The following PCLO variants were observed in gnomAD, a reference collection of about 807,000 sequenced individuals.
PCLO encodes protein piccolo.
In PCLO, 82 loss-of-function variants were observed where a neutral mutation model predicts 427.5. That is an observed-to-expected ratio of 0.19 (90% CI 0.16 to 0.23). The LOEUF is 0.23. Among genes scored for constraint, PCLO ranks in the 10% least tolerant of loss-of-function variants. PCLO has a pLI of 1.00. For missense variants in PCLO, 6,239 were observed against 6,115.9 expected (o/e 1.02, Z -0.67); for synonymous variants, 2,357 against 2,155.4 (o/e 1.09, Z -2.59).
intron 9 of PCLO, among the ~76,000 whole-genome samples, chr7:82,882,448 C>A (rs990883206): frequency 6.6e-6 from 1 of 152,026 alleles, no homozygotes; most frequent in Admixed American, 6.6e-5. Flanking sequence ...TCTTCAGATG[C>A]CATGAAAATG....
chr7:82,950,856 C>T lies in PCLO; in HGVS notation c.9732G>A (p.Arg3244=). 2 of 1,613,600 alleles carry T rather than the reference C, an allele frequency of 1.2e-6. No individual in the cohort carries two copies. Among genetic ancestry groups the T allele is most frequent in the Non-Finnish European group, 1.7e-6 (2 of 1,179,866 alleles). ...ELEWERQEIQ[R]FREQEKIMVQ... ...CCATGATCTTTTCTTGTTCTCGGAA[C>T]CTTTGAATTTCCTGACGTTCCCACT... is the stretch of plus-strand genomic sequence containing the variant. The change falls in exon 6 of 25, where the codon AGG becomes AGA. Residue 3244 remains arginine (R), a synonymous_variant. Transcript: ENST00000333891.
At chr7:83,012,433 C>A (rs1788103391) in intron 3 of PCLO, among the ~76,000 whole-genome samples, 1 of 151,834 alleles carries the variant, frequency 6.6e-6, no homozygotes, top group Non-Finnish European at 1.5e-5. Flanking sequence ...GCCTGACCAA[C>A]ATGGAAAAAC....
At chr7:82,867,487 G>T (rs1347352823) in intron 10 of PCLO, among the ~76,000 whole-genome samples, 1 of 152,124 alleles carries the variant, frequency 6.6e-6, no homozygotes, top group Admixed American at 6.6e-5. Flanking sequence ...AACCACTGGA[G>T]ATACTAAAGC....
chr7:82,760,686 T>C lies in PCLO; in HGVS notation c.15241A>G (p.Asn5081Asp), dbSNP rs1263974938. ...CTTAGACTGAATCGAAAAGTTTCAT[T>C]AAACGAAGGCTCTCGATCATGTCTG... ...VCRHDREPSF[N>D]ETFRFSLSPA... is the part of the protein sequence containing the mutation. Residue 5081 changes from asparagine (N) to aspartate (D), a missense_variant, in exon 24 of 25, where the codon AAT becomes GAT. By Grantham distance (23) the Asn-to-Asp change is conservative (BLOSUM62 1). Coordinates refer to ENST00000333891, the MANE Select transcript of PCLO (RefSeq NM_033026.6). The C allele has an allele frequency of 1.9e-6, 3 of 1,606,012 alleles. No homozygotes were observed. The highest frequency in any genetic ancestry group is 2.7e-5 in the African/African-American group (2 of 74,500).
chr7:82,832,778 G>T (rs886952030), intron 16 of PCLO, among the ~76,000 whole-genome samples: 3 of 145,010 alleles, frequency 2.1e-5, no homozygotes, highest in African/African-American at 7.8e-5. Flanking sequence ...TGATTTATCT[G>T]GTTTTCCTTT....
At chr7:82,847,323 T>TC in intron 10 of PCLO, 76 bp from the exon 11 acceptor site, 1 of 780,460 alleles carries the variant, frequency 1.3e-6, no homozygotes, top group Non-Finnish European at 2.1e-6. Flanking sequence ...TGAAGACATT[T>TC]ATTTGCATTT....
chr7:82,993,628 A>C (rs41577), intron 3 of PCLO, among the ~76,000 whole-genome samples: 1 of 151,844 alleles, frequency 6.6e-6, no homozygotes, highest in African/African-American at 2.4e-5. Flanking sequence ...TTAGTCATCA[A>C]AATGTGATTG....
chr7:82,773,257 T>C (rs1562779436), intron 22 of PCLO, among the ~76,000 whole-genome samples: 1 of 152,092 alleles, frequency 6.6e-6, no homozygotes, highest in East Asian at 1.9e-4. Context: ...TAAGAAAAAC[T>C]AGGAGCTCCT....
At chr7:83,084,173 G>A (rs1034416314) in intron 3 of PCLO, among the ~76,000 whole-genome samples, 2 of 151,982 alleles carry the variant, frequency 1.3e-5, no homozygotes, top group Non-Finnish European at 2.9e-5. Flanking sequence ...TTAGTTTTGT[G>A]AGCTGATACC....
chr7:82,895,801 G>T (rs1297513836), intron 9 of PCLO, among the ~76,000 whole-genome samples: 1 of 151,836 alleles, frequency 6.6e-6, no homozygotes, highest in East Asian at 1.9e-4. Flanking sequence ...ACAAATAAAG[G>T]CATTGAATTA....
rs1791576390 is a variant in PCLO at position 83,131,672 on chromosome 7, G to A, written c.3300+2578C>T. On this transcript the variant is annotated intron_variant, in intron 3 of 24. Transcript: ENST00000333891. The stretch of plus-strand genomic sequence containing the variant: ...TTTGGACTTCAGGCCTAAAATCTGA[G>A]TATTTTCAGAATGTCCCCTCTGAGA... 2.0e-5 allele frequency among the ~76,000 whole-genome samples: 3 copies of A among 152,030 alleles called. 1 individual carries two copies. The highest frequency in any genetic ancestry group is 1.9e-4 in the East Asian group (1 of 5,166).
intron 3 of PCLO, among the ~76,000 whole-genome samples, chr7:83,048,803 A>C (rs1789163625): frequency 6.6e-6 from 1 of 152,070 alleles, no homozygotes; most frequent in African/African-American, 2.4e-5. Context: ...CCATATTACA[A>C]AGCTCACATA....
chr7:83,156,401 GT>G lies in PCLO; in HGVS notation c.249-10del. 1 of 893,556 alleles carries G rather than the reference GT, an allele frequency of 1.1e-6. No homozygotes were observed. Among genetic ancestry groups the G allele is most frequent in the African/African-American group, 2.0e-5 (1 of 49,176 alleles). The allele number at this position is 893,556 out of a possible 1,614,324, so 55.4% of individuals were successfully genotyped here. On this transcript the variant is annotated splice_polypyrimidine_tract_variant and intron_variant, in intron 1 of 24. Transcript: ENST00000333891. ...TATCCAACTCTTGTTTCCTAGAAGA[GT>G]TAAAAAAAAAAAAAAAAATCAAGTG...
At chr7:83,027,889 T>A (rs1583926593) in intron 3 of PCLO, among the ~76,000 whole-genome samples, 1 of 128,310 alleles carries the variant, frequency 7.8e-6, no homozygotes, top group African/African-American at 2.9e-5. Context: ...AGAAAAGGCC[T>A]TTGACAAAAT....
intron 10 of PCLO, among the ~76,000 whole-genome samples, chr7:82,850,681 C>T (rs530527059): frequency 2.0e-5 from 3 of 152,246 alleles, no homozygotes; most frequent in African/African-American, 7.2e-5. Flanking sequence ...ACATATGCCA[C>T]ACAAAAGCTC....
At chr7:83,131,057 T>A (rs1486052976) in intron 3 of PCLO, among the ~76,000 whole-genome samples, 1 of 152,166 alleles carries the variant, frequency 6.6e-6, no homozygotes, top group East Asian at 1.9e-4. Flanking sequence ...TGACAAAAAA[T>A]TCACTAGGTA....
chr7:83,105,160 T>A, intron 3 of PCLO, among the ~76,000 whole-genome samples: 1 of 152,304 alleles, frequency 6.6e-6, no homozygotes, highest in African/African-American at 2.4e-5. Flanking sequence ...GATCCTTATG[T>A]TTAAATAATC....
intron 3 of PCLO, among the ~76,000 whole-genome samples, chr7:82,967,881 GT>G (rs926866948): frequency 3.3e-5 from 5 of 152,310 alleles, no homozygotes; most frequent in African/African-American, 1.2e-4. Context: ...GGGTTAGAGT[GT>G]CATACAAATA....
chr7:83,049,519 A>G (rs2116253241), intron 3 of PCLO, among the ~76,000 whole-genome samples: 1 of 152,262 alleles, frequency 6.6e-6, no homozygotes, highest in African/African-American at 2.4e-5. Context: ...GGAAGATGGA[A>G]GAGTGAAGGA....
Sources: gnomAD v4.1 joint callset for allele counts (sites outside exome capture counted in the v4.1 genomes callset) on GRCh38, gnomAD v4.1.1 for gene constraint, MANE v1.5 for transcripts, NCBI Gene and HGNC (gene_info 2026-07-23, HGNC 2026-07-21) for gene names.